The following PCLO variants were observed in gnomAD, a reference collection of about 807,000 sequenced individuals.
PCLO encodes the protein protein piccolo.
PCLO carries 82 observed loss-of-function variants against 427.5 expected under a neutral mutation model. That is an observed-to-expected ratio of 0.19 (90% CI 0.16 to 0.23). The LOEUF (loss-of-function observed/expected upper bound fraction) is 0.23. PCLO is among the 10% of genes least tolerant of loss of function. PCLO has a pLI of 1.00. For missense variants in PCLO, 6,239 were observed against 6,115.9 expected (o/e 1.02, Z -0.67); for synonymous variants, 2,357 against 2,155.4 (o/e 1.09, Z -2.59).
intron 9 of PCLO, among the ~76,000 whole-genome samples, chr7:82,882,132 C>T (rs1018985596): frequency 1.3e-5 from 2 of 152,042 alleles, no homozygotes; most frequent in African/African-American, 4.8e-5. Context: ...AGAATTGAAT[C>T]TGGATATTTT....
intron 12 of PCLO, 80 bp from the exon 13 acceptor site, chr7:82,845,565 G>A: frequency 1.1e-6 from 1 of 928,236 alleles, no homozygotes; most frequent in South Asian, 1.5e-5. Context: ...AGTTCTAGGT[G>A]ACAAAGGTAA....
At chr7:83,021,608 T>C (rs968825705) in intron 3 of PCLO, among the ~76,000 whole-genome samples, 1 of 152,174 alleles carries the variant, frequency 6.6e-6, no homozygotes, top group Non-Finnish European at 1.5e-5. Context: ...CTTTCTCCCA[T>C]GTGCATTTCC....
At chr7:82,869,895 T>A (rs528007672) in intron 10 of PCLO, among the ~76,000 whole-genome samples, 1 of 152,162 alleles carries the variant, frequency 6.6e-6, no homozygotes, top group Non-Finnish European at 1.5e-5. Context: ...CTTTTCATTC[T>A]TATGTGTCCT....
intron 9 of PCLO, among the ~76,000 whole-genome samples, chr7:82,882,518 C>G (rs1793532692): frequency 6.6e-6 from 1 of 151,920 alleles, no homozygotes; most frequent in Admixed American, 6.6e-5. Context: ...AATAGTTACT[C>G]CAGATAACAT....
Position 82,951,555 on chromosome 7 carries a change from C to A in PCLO, c.9098-65G>T, listed in dbSNP as rs536414238. 4.4e-4 allele frequency: 496 copies of A among 1,129,298 alleles called. 5 individuals carry two copies. In the South Asian group the frequency reaches 7.2e-3, roughly 16 times the overall value. 70.0% of individuals were successfully genotyped at this position (1,129,298 alleles called of 1,614,324 possible). ...GAATGATGCTTTTTGAGTTTGAAAA[C>A]CCTCTCATCTTGATGAACATAATGA... On this transcript the variant is annotated intron_variant, in intron 5 of 24. Transcript: ENST00000333891.
intron 3 of PCLO, among the ~76,000 whole-genome samples, chr7:82,985,862 T>C (rs1334114274): frequency 7.0e-6 from 1 of 143,788 alleles, no homozygotes; most frequent in Non-Finnish European, 1.5e-5. Flanking sequence ...AAATTAGAGA[T>C]AATACTGTTG....
chr7:82,763,145 T>G (rs1562774618), intron 22 of PCLO, among the ~76,000 whole-genome samples: 2 of 152,100 alleles, frequency 1.3e-5, no homozygotes, highest in Admixed American at 1.3e-4. Context: ...TTTTAAACAG[T>G]TGAACTGATT....
At chr7:82,792,604 A>G (rs1229909298) in intron 22 of PCLO, among the ~76,000 whole-genome samples, 2 of 152,130 alleles carry the variant, frequency 1.3e-5, no homozygotes, top group African/African-American at 4.8e-5. Context: ...CTGGGATTAC[A>G]GGGTGAGCCA....
chr7:82,924,519 A>T (rs1282285873), intron 6 of PCLO, among the ~76,000 whole-genome samples: 5 of 152,096 alleles, frequency 3.3e-5, no homozygotes, highest in Non-Finnish European at 7.4e-5. Flanking sequence ...CCCTATAAAA[A>T]TCTTGAAAAA....
chr7:82,920,114 T>C (rs761526228), intron 6 of PCLO, among the ~76,000 whole-genome samples: 2 of 151,864 alleles, frequency 1.3e-5, no homozygotes, highest in African/African-American at 2.4e-5. Context: ...CTCAACTAAG[T>C]ATTTAATTCT....
At chr7:82,907,126 A>G (rs1488737621) in intron 8 of PCLO, among the ~76,000 whole-genome samples, 1 of 151,994 alleles carries the variant, frequency 6.6e-6, no homozygotes, top group African/African-American at 2.4e-5. Context: ...GGCTGGACGC[A>G]TTACTTTAAA....
At position 82,955,801 on chromosome 7, in the gene PCLO, A is replaced by G. The variant is rs1795499985; in HGVS notation, c.5152T>C (p.Ser1718Pro). 4 of 1,613,854 alleles carry G rather than the reference A, an allele frequency of 2.5e-6. No individual in the cohort carries two copies. The highest frequency in any genetic ancestry group is 3.4e-6 in the Non-Finnish European group (4 of 1,179,880). Residue 1718 changes from serine to proline, a missense_variant, in exon 5 of 25, where the codon TCG (serine) becomes CCG (proline). Around this residue, in one of 5 missense-constraint regions of PCLO, gnomAD observed 4,677 missense variants for 4,468.4 expected, o/e 1.05. Coordinates refer to ENST00000333891, the MANE Select transcript of PCLO (RefSeq NM_033026.6). ...PEDRSRGEGSSSLHASSFTPG... is the reference protein window; with the variant it reads ...PEDRSRGEGSPSLHASSFTPG... ...GTGAAGCTGGAAGCATGCAGACTCG[A>G]AGATCCCTCTCCCCTTGACCTATCT...
chr7:82,761,363 T>C lies in PCLO; in HGVS notation c.15138A>G (p.Leu5046=). ...ITYKFKSPDH[L]PDLYVKIYVM... ...GATTATAATAGAATTAGATACCTGG[T>C]AGATGATCAGGAGACTTAAATTTGT... Residue 5046 remains leucine, a synonymous_variant, in exon 23 of 25, where the codon CTA becomes CTG. Transcript: ENST00000333891. 1 of 1,446,234 alleles carries C rather than the reference T, an allele frequency of 6.9e-7. No homozygotes were observed. Among genetic ancestry groups the C allele is most frequent in the Non-Finnish European group, 9.5e-7 (1 of 1,052,794 alleles). The allele number at this position is 1,446,234 out of a possible 1,614,324, so 89.6% of individuals were successfully genotyped here.
chr7:82,942,842 A>G (rs1038985207), intron 6 of PCLO, among the ~76,000 whole-genome samples: 47 of 152,088 alleles, frequency 3.1e-4, no homozygotes, highest in African/African-American at 1.1e-3. Context: ...TCTATTATTT[A>G]CAAAGCTAAT....
chr7:82,986,162 T>C (rs943834145), intron 3 of PCLO, among the ~76,000 whole-genome samples: 1 of 151,906 alleles, frequency 6.6e-6, no homozygotes, highest in Non-Finnish European at 1.5e-5. Context: ...ACATAAGAAT[T>C]CTCTAATCAT....
chr7:82,924,682 C>T (rs547209777), intron 6 of PCLO, among the ~76,000 whole-genome samples: 5 of 151,992 alleles, frequency 3.3e-5, no homozygotes, highest in African/African-American at 9.6e-5. Flanking sequence ...GAGATTAAAA[C>T]TTTAAAAAAG....
intron 22 of PCLO, among the ~76,000 whole-genome samples, chr7:82,779,746 C>CTTTTTTTTT (rs397976054): frequency 1.5e-5 from 2 of 134,392 alleles, no homozygotes; most frequent in South Asian, 2.3e-4. Context: ...TTCTTTCTTT[C>CTTTTTTTTT]TTTTTTTTTT....
chr7:82,967,292 C>T (rs866774995), intron 3 of PCLO, among the ~76,000 whole-genome samples: 1 of 150,912 alleles, frequency 6.6e-6, no homozygotes, highest in African/African-American at 2.4e-5. Context: ...TCTCCTGCCT[C>T]AGCCTCCTGA....
In PCLO at chr7:83,155,822, T is replaced by A. The variant is rs773841804; in HGVS notation, c.819A>T (p.Pro273=). Residue 273 remains proline, a synonymous_variant, in exon 2 of 25, where the codon CCA becomes CCT. Transcript: ENST00000333891. ...GAGGCCTGGATGCATCTCGTTGAAG[T>A]GGCAATTTTGCATGGTCTGTCTGAG... The part of the protein sequence containing the change: ...QTPQTDHAKL[P]LQRDASRPQT... 12 of 1,613,982 alleles carry A rather than the reference T, an allele frequency of 7.4e-6. No individual in the cohort carries two copies. The highest frequency in any genetic ancestry group is 1.1e-5 in the South Asian group (1 of 91,088).
Sources: gnomAD v4.1 joint callset for allele counts (sites outside exome capture counted in the v4.1 genomes callset) on GRCh38, gnomAD v4.1.1 for gene constraint, gnomAD v4.1.1 regional missense constraint, MANE v1.5 for transcripts, NCBI Gene and HGNC (gene_info 2026-07-23, HGNC 2026-07-21) for gene names.